CREBBP: variants seen among roughly 807,000 people sequenced by gnomAD.
CREBBP encodes CREB-binding protein.
Under a neutral mutation model 265.0 loss-of-function variants are expected in CREBBP, and 19 were observed. The ratio of observed to expected loss-of-function variants is 0.07; its 90% CI spans 0.05 to 0.11. The LOEUF (loss-of-function observed/expected upper bound fraction) is 0.11. Among genes scored for constraint, CREBBP ranks in the 10% least tolerant of loss-of-function variants. CREBBP has a pLI of 1.00. For synonymous variants in CREBBP, 1,457 were observed against 1,223.7 expected, an observed-to-expected ratio of 1.19 and a Z score of -3.98; for missense variants, 2,525 against 3,219.0, an observed-to-expected ratio of 0.78 and a Z score of 5.22.
intron 30 of CREBBP, among the ~76,000 whole-genome samples, chr16:3,730,357 C>T (rs1188236784): frequency 6.6e-6 from 1 of 152,168 alleles, no homozygotes; most frequent in Non-Finnish European, 1.5e-5. Context: ...GGAGGCCGGT[C>T]CCTCCCAAAG....
chr16:3,874,625 A>G (rs2055363373), intron 1 of CREBBP, among the ~76,000 whole-genome samples: 1 of 152,194 alleles, frequency 6.6e-6, no homozygotes, highest in Non-Finnish European at 1.5e-5. Flanking sequence ...AAGTCTGCGG[A>G]CCCATAATAG....
intron 3 of CREBBP, among the ~76,000 whole-genome samples, chr16:3,807,469 A>G (rs1367044235): frequency 6.6e-6 from 1 of 152,232 alleles, no homozygotes; most frequent in African/African-American, 2.4e-5. Context: ...TGCCCTCAGT[A>G]TGCAAAAGTC....
At position 3,791,999 on chromosome 16, in the gene CREBBP, C is replaced by T. The variant is rs532421401; in HGVS notation, c.1312G>A (p.Asp438Asn). 6.2e-7 allele frequency: 1 copy of T among 1,614,054 alleles called. No homozygotes were observed. The highest frequency in any genetic ancestry group is 1.1e-5 in the South Asian group (1 of 91,078). Residue 438 changes from aspartate (D) to asparagine (N), a missense_variant, in exon 5 of 31, where the codon GAC becomes AAC. Around this residue, in one of 19 missense-constraint regions of CREBBP, gnomAD observed 48 missense variants for 70.2 expected, o/e 0.68. Coordinates refer to ENST00000262367, the MANE Select transcript of CREBBP (RefSeq NM_004380.3). ...CACTTACTTTGTTGGTTTCGCTTGTCACTGGCATTTTTCAAAGGGAGGCAA... is the reference window on the plus strand; with the variant it reads ...CACTTACTTTGTTGGTTTCGCTTGTTACTGGCATTTTTCAAAGGGAGGCAA... ...PVCLPLKNAS[D>N]KRNQQTILGS...
chr16:3,780,653 AG>A, intron 8 of CREBBP, 78 bp downstream of exon 8: 1 of 1,480,600 alleles, frequency 6.8e-7, no homozygotes, highest in Non-Finnish European at 9.3e-7. Flanking sequence ...ATAGGCTCCT[AG>A]GGTACTGTCA....
intron 5 of CREBBP, among the ~76,000 whole-genome samples, chr16:3,785,155 A>G (rs937834972): frequency 2.0e-5 from 3 of 152,256 alleles, no homozygotes; most frequent in South Asian, 4.2e-4. Context: ...CTGAAAGGGG[A>G]GTCACTATGT....
chr16:3,787,808 T>C (rs1427994082), intron 5 of CREBBP, among the ~76,000 whole-genome samples: 1 of 152,086 alleles, frequency 6.6e-6, no homozygotes, highest in Non-Finnish European at 1.5e-5. Flanking sequence ...ACCGAGTAGC[T>C]GGGACTACAG....
chr16:3,832,620 T>G (rs1335689020), intron 2 of CREBBP, among the ~76,000 whole-genome samples: 4 of 152,196 alleles, frequency 2.6e-5, no homozygotes, highest in Admixed American at 2.6e-4. Flanking sequence ...TGGAGGCAAC[T>G]GTAACAAAAT....
At chr16:3,808,154 G>T (rs1471614424) in intron 3 of CREBBP, among the ~76,000 whole-genome samples, 1 of 131,672 alleles carries the variant, frequency 7.6e-6, no homozygotes, top group African/African-American at 2.8e-5. Context: ...AGGGATGAAA[G>T]AAGGGGGGGG....
intron 1 of CREBBP, among the ~76,000 whole-genome samples, chr16:3,864,209 G>A (rs1209511768): frequency 6.6e-6 from 1 of 152,206 alleles, no homozygotes; most frequent in Non-Finnish European, 1.5e-5. Flanking sequence ...TAGCTGGCAG[G>A]CGGCAACAAG....
intron 2 of CREBBP, 39 bp from the exon 3 acceptor site, chr16:3,810,818 A>G (rs1461206895): frequency 6.2e-7 from 1 of 1,604,838 alleles, no homozygotes; most frequent in South Asian, 1.1e-5. Context: ...GTGGTGACGC[A>G]GTCAATATAA....
intron 2 of CREBBP, among the ~76,000 whole-genome samples, chr16:3,835,563 C>G (rs956958387): frequency 6.7e-6 from 1 of 148,446 alleles, no homozygotes; most frequent in African/African-American, 2.5e-5. Flanking sequence ...AAAATGCTCA[C>G]AGAAGATTTC....
At chr16:3,821,971 T>C (rs1403889905) in intron 2 of CREBBP, among the ~76,000 whole-genome samples, 1 of 152,118 alleles carries the variant, frequency 6.6e-6, no homozygotes, top group African/African-American at 2.4e-5. Context: ...GGAGAATCAC[T>C]TGAACCCTGG....
intron 2 of CREBBP, among the ~76,000 whole-genome samples, chr16:3,823,979 C>G (rs1415682725): frequency 6.6e-6 from 1 of 152,060 alleles, no homozygotes; most frequent in Non-Finnish European, 1.5e-5. Flanking sequence ...CACACACACA[C>G]ACACACACAC....
rs2051820069 is a variant in CREBBP at position 3,728,650 on chromosome 16, T to C, written c.6397A>G (p.Met2133Val). The change falls in exon 31 of 31, where the codon ATG becomes GTG. Residue 2133 changes from methionine (M) to valine (V), a missense_variant. Physicochemically the swap from Met to Val is conservative, Grantham distance 21 (BLOSUM62 1). This residue lies in a region of CREBBP where 473 missense variants were observed against 459.3 expected (regional missense o/e 1.03). Coordinates refer to ENST00000262367, the MANE Select transcript of CREBBP (RefSeq NM_004380.3). This position sits in a 1 kb window ranked among gnomAD's most constrained non-coding sequence, Gnocchi z 8.7. ...TTCTGCAGGCTGGGCTGCTGGTGCA[T>C]GCCAGGCTGGGGTTGCATGCCGGGC... ...SQPGMQPQPG[M>V]HQQPSLQNLN... 2 of 1,613,478 alleles carry C rather than the reference T, an allele frequency of 1.2e-6. No individual in the cohort carries two copies. The highest frequency in any genetic ancestry group is 1.3e-5 in the African/African-American group (1 of 74,964).
chr16:3,797,634 G>GCA (rs1191483846), intron 3 of CREBBP, among the ~76,000 whole-genome samples: 1 of 151,940 alleles, frequency 6.6e-6, no homozygotes, highest in African/African-American at 2.4e-5. Flanking sequence ...TTATTGTACT[G>GCA]CACTCACTTA....
chr16:3,750,556 T>A (rs2052450152), intron 20 of CREBBP, among the ~76,000 whole-genome samples: 1 of 152,120 alleles, frequency 6.6e-6, no homozygotes, highest in Admixed American at 6.5e-5. Context: ...TAGAAATGAG[T>A]TGATAACACA....
At chr16:3,777,519 A>G (rs1403168921) in intron 11 of CREBBP, 94 bp downstream of exon 11, 1 of 1,297,054 alleles carries the variant, frequency 7.7e-7, no homozygotes, top group African/African-American at 1.5e-5. Context: ...AGAAAGGGTT[A>G]GAAAGAAATA....
At chr16:3,861,824 G>C (rs1046465915) in intron 1 of CREBBP, among the ~76,000 whole-genome samples, 1 of 148,974 alleles carries the variant, frequency 6.7e-6, no homozygotes, top group Non-Finnish European at 1.5e-5. Context: ...AAAATCTTCC[G>C]TAATTCAGGC....
intron 7 of CREBBP, 21 bp downstream of exon 7, chr16:3,781,183 A>G (rs1567308244): frequency 6.3e-7 from 1 of 1,598,608 alleles, no homozygotes; most frequent in Non-Finnish European, 8.6e-7. Context: ...ACTGTCACTC[A>G]GATCTGAAAC....
Sources: gnomAD v4.1 joint callset for allele counts (sites outside exome capture counted in the v4.1 genomes callset) on GRCh38, gnomAD v4.1.1 for gene constraint, gnomAD v4.1.1 regional missense constraint, Gnocchi (gnomAD v3.1) non-coding constraint, MANE v1.5 for transcripts, NCBI Gene and HGNC (gene_info 2026-07-23, HGNC 2026-07-21) for gene names.